Variants in NRL observed in about 807,000 individuals in gnomAD.
The protein encoded by NRL is neural retina-specific leucine zipper protein.
A neutral mutation model predicts 12.5 loss-of-function variants in NRL; 16 were observed. The observed-to-expected ratio is 1.28, with a 90% CI of 0.87 to 1.95. NRL has a LOEUF of 1.95. Ranked by LOEUF, NRL falls within the 30% of genes most tolerant of loss-of-function variation. The pLI is 0.00. For synonymous variants in NRL, 142 were observed against 150.9 expected, an observed-to-expected ratio of 0.94 and a Z score of 0.43; for missense variants, 314 against 325.8, an observed-to-expected ratio of 0.96 and a Z score of 0.28.
At chr14:24,101,179 G>A (rs2037146631) in intron 1 of NRL, among the ~76,000 whole-genome samples, 1 of 152,140 alleles carries the variant, frequency 6.6e-6, no homozygotes, top group South Asian at 2.1e-4. Flanking sequence ...TTCCCCACAG[G>A]CTAGTTCCCC....
At chr14:24,082,204 A>G (rs1182508693) in intron 2 of NRL, among the ~76,000 whole-genome samples, 2 of 151,724 alleles carry the variant, frequency 1.3e-5, no homozygotes, top group Non-Finnish European at 2.9e-5. Flanking sequence ...CCCCAGCTCA[A>G]TTCTTCCCTT....
In NRL at chr14:24,094,422, G is replaced by A. The variant is rs1490263802; in HGVS notation, c.-27-11547C>T. On this transcript the variant is annotated intron_variant, in intron 1 of 2. Transcript: ENST00000561028. The surrounding 1 kb of genome is among the most constrained non-coding windows in gnomAD (Gnocchi z 4.1). ...CCAGGTGCCATGGCCGCATTGTACC[G>A]CCCTGGCCTGCGGTGAGTGACCCCC... 5 of 1,556,580 alleles carry A rather than the reference G, an allele frequency of 3.2e-6. No individual in the cohort carries two copies. Among genetic ancestry groups the A allele is most frequent in the East Asian group, 2.4e-5 (1 of 41,150 alleles).
chr14:24,090,825 C>T (rs981009985), intron 1 of NRL, among the ~76,000 whole-genome samples: 1 of 152,196 alleles, frequency 6.6e-6, no homozygotes, highest in African/African-American at 2.4e-5. Flanking sequence ...TGCACGTGAG[C>T]CCCTTGCTCC....
chr14:24,103,199 G>A (rs896618033), intron 1 of NRL: 1 of 1,614,004 alleles, frequency 6.2e-7, no homozygotes, highest in African/African-American at 1.3e-5. Flanking sequence ...TGGCGTCATG[G>A]GGTGTTTGTG....
intron 1 of NRL, chr14:24,099,951 G>A: frequency 6.2e-7 from 1 of 1,614,098 alleles, no homozygotes; most frequent in Non-Finnish European, 8.5e-7. Flanking sequence ...TACATCTCAA[G>A]TTTTCCTTGT....
chr14:24,088,776 G>A (rs2036531615), intron 1 of NRL, among the ~76,000 whole-genome samples: 1 of 147,830 alleles, frequency 6.8e-6, no homozygotes, highest in African/African-American at 2.5e-5. Context: ...CTATCAAGTA[G>A]CAGACATGCA....
intron 1 of NRL, among the ~76,000 whole-genome samples, chr14:24,107,312 C>T (rs888562018): frequency 3.3e-5 from 5 of 152,114 alleles, no homozygotes; most frequent in Non-Finnish European, 7.4e-5. Flanking sequence ...ATATAGTTAA[C>T]ACATTATAAT....
rs2036203208 is a variant in NRL, at chr14:24,079,133, A to C, written c.*2103T>G. Among the ~76,000 whole-genome samples, 1 of 152,160 alleles carries C rather than the reference A, an allele frequency of 6.6e-6. No individual in the cohort carries two copies. Among genetic ancestry groups the C allele is most frequent in the Non-Finnish European group, 1.5e-5 (1 of 68,042 alleles). On this transcript the variant is annotated 3_prime_UTR_variant, in exon 3 of 3. Coordinates refer to ENST00000561028, the MANE Select transcript of NRL (RefSeq NM_001354768.3). ...CACAGTGTGCAACTTTGTTTTTTTAAGTATACTCAGGTAACCCAGGAGTAT... is the reference window on the plus strand; with the variant it reads ...CACAGTGTGCAACTTTGTTTTTTTACGTATACTCAGGTAACCCAGGAGTAT...
At chr14:24,103,687 G>A (rs201980042) in intron 1 of NRL, 1 of 1,614,206 alleles carries the variant, frequency 6.2e-7, no homozygotes, top group Non-Finnish European at 8.5e-7. Context: ...CCAGGCTTTG[G>A]GGAGAATGCT....
rs541220581 is a variant in NRL, at chr14:24,103,234, A to G, written c.-28+11488T>C. 7.4e-5 allele frequency: 119 copies of G among 1,613,742 alleles called. No homozygotes were observed. The highest frequency in any genetic ancestry group is 3.3e-4 in the Middle Eastern group (2 of 6,082). ...GGGCAGCGCCATGCGCTCTGAGTCC[A>G]CTGCTGCAGCAGAACACAAAGGTGA... On this transcript the variant is annotated intron_variant, in intron 1 of 2. Transcript: ENST00000561028.
In NRL at chr14:24,098,214, G is replaced by T. The variant is rs770940344; in HGVS notation, c.-27-15339C>A. On this transcript the variant is annotated intron_variant, in intron 1 of 2. Coordinates refer to ENST00000561028, the MANE Select transcript of NRL (RefSeq NM_001354768.3). ...CCCCTCTCCCCCAGCTGGCTGGCCC[G>T]CACAGACCCCAAGGATGTGGCACGA... is the stretch of plus-strand genomic sequence containing the variant. 5 of 1,609,058 alleles carry T rather than the reference G, an allele frequency of 3.1e-6. No individual in the cohort carries two copies. The Admixed American group carries it at 8.4e-5, about 27-fold the overall frequency.
At position 24,078,752 on chromosome 14, in the gene NRL, T is replaced by C. The variant is rs1282220061; in HGVS notation, c.*2484A>G. Among the ~76,000 whole-genome samples, 1 of 152,202 alleles carries C rather than the reference T, an allele frequency of 6.6e-6. No individual in the cohort carries two copies. The highest frequency in any genetic ancestry group is 1.5e-5 in the Non-Finnish European group (1 of 68,036). ...GTGGTTACCATTATTTTCACCATTTTTCTGACAATCAAGTGAGGCTTGATT... is the reference window on the plus strand; with the variant it reads ...GTGGTTACCATTATTTTCACCATTTCTCTGACAATCAAGTGAGGCTTGATT... On this transcript the variant is annotated 3_prime_UTR_variant, in exon 3 of 3. Transcript: ENST00000561028.
chr14:24,095,109 TCTC>T (rs1332989411), intron 1 of NRL: 12 of 456,028 alleles, frequency 2.6e-5, no homozygotes, highest in Non-Finnish European at 4.4e-5. Context: ...GTCCTCTTAG[TCTC>T]CTATTTATTC....
intron 1 of NRL, chr14:24,110,457 T>C (rs750038004): frequency 2.2e-4 from 41 of 189,256 alleles, no homozygotes; most frequent in Middle Eastern, 9.9e-4. Flanking sequence ...ATCTATTACA[T>C]GTCACCAGAA....
chr14:24,102,602 T>G, intron 1 of NRL: 1 of 645,886 alleles, frequency 1.5e-6, no homozygotes, highest in Non-Finnish European at 2.7e-6. Flanking sequence ...ATGCCCTGGC[T>G]CCCCTCTCTC....
intron 1 of NRL, chr14:24,097,068 A>T (rs2036917793): frequency 6.2e-7 from 1 of 1,613,356 alleles, no homozygotes; most frequent in African/African-American, 1.3e-5. Flanking sequence ...ACTGAGGCTG[A>T]GAATACTGCC....
Position 24,082,835 on chromosome 14 carries a change from G to C in NRL, c.14C>G (p.Pro5Arg), listed in dbSNP as rs1353762258. 4.3e-6 allele frequency: 7 copies of C among 1,612,980 alleles called. No homozygotes were observed. In the Admixed American group the frequency reaches 6.7e-5, roughly 15 times the overall value. The change falls in exon 2 of 3, where the codon CCC becomes CGC. Residue 5 changes from proline to arginine, a missense_variant. Transcript: ENST00000561028. MALP[P>R]SPLAMEYVND... is the part of the protein sequence containing the mutation. ...GACATATTCCATGGCCAGGGGGCTG[G>C]GGGGCAGGGCCATTCTGGAGCTGGG...
chr14:24,097,734 C>G (rs2036957959), intron 1 of NRL, among the ~76,000 whole-genome samples: 1 of 151,862 alleles, frequency 6.6e-6, no homozygotes, highest in Non-Finnish European at 1.5e-5. Context: ...GCTGGGATTA[C>G]AAGCATGCGC....
At chr14:24,114,623 T>A (rs1357371193) in intron 1 of NRL, 99 bp downstream of exon 1, 88 of 952,278 alleles carry the variant, frequency 9.2e-5, no homozygotes, top group Non-Finnish European at 1.0e-4. Flanking sequence ...TTCAGGAAGC[T>A]GGCAGTTCCC....
Sources: gnomAD v4.1 joint callset for allele counts (sites outside exome capture counted in the v4.1 genomes callset) on GRCh38, gnomAD v4.1.1 for gene constraint, Gnocchi (gnomAD v3.1) non-coding constraint, MANE v1.5 for transcripts, NCBI Gene and HGNC (gene_info 2026-07-23, HGNC 2026-07-21) for gene names.